ZMAT4: variants seen among roughly 807,000 people sequenced by gnomAD.
ZMAT4 encodes the protein zinc finger matrin-type 4.
ZMAT4 carries 17 observed loss-of-function variants against 28.7 expected under a neutral mutation model. The ratio of observed to expected loss-of-function variants is 0.59; its 90% CI spans 0.41 to 0.89. The LOEUF (loss-of-function observed/expected upper bound fraction) is 0.89. Ranked by LOEUF, ZMAT4 falls within the 40% of genes least tolerant of loss-of-function variation. The pLI is 0.00. For synonymous variants in ZMAT4, 117 were observed against 109.2 expected (o/e 1.07, Z -0.44); for missense variants, 240 against 283.8 (o/e 0.85, Z 1.11).
chr8:40,786,447 ACATT>A (rs71294786), intron 2 of ZMAT4, among the ~76,000 whole-genome samples: 16 of 151,454 alleles, frequency 1.1e-4, no homozygotes, highest in South Asian at 4.2e-4. Context: ...GAAGTACATG[ACATT>A]CATTCATTCA....
intron 5 of ZMAT4, among the ~76,000 whole-genome samples, chr8:40,627,358 A>G (rs1240196574): frequency 6.6e-6 from 1 of 152,198 alleles, no homozygotes; most frequent in Non-Finnish European, 1.5e-5. Context: ...TAAGCAAAAG[A>G]TAAGTACACA....
intron 3 of ZMAT4, among the ~76,000 whole-genome samples, chr8:40,709,425 AC>A (rs1190223213): frequency 6.6e-6 from 1 of 152,214 alleles, no homozygotes; most frequent in Non-Finnish European, 1.5e-5. Context: ...AAATTACTAA[AC>A]CGTATAGAAA....
intron 3 of ZMAT4, among the ~76,000 whole-genome samples, chr8:40,704,861 G>A (rs547396349): frequency 6.6e-6 from 1 of 152,324 alleles, no homozygotes; most frequent in Non-Finnish European, 1.5e-5. Flanking sequence ...GTACTGAAAT[G>A]GATATAACTG....
chr8:40,895,497 A>G (rs1395817675), intron 1 of ZMAT4, among the ~76,000 whole-genome samples: 1 of 152,018 alleles, frequency 6.6e-6, no homozygotes, highest in African/African-American at 2.4e-5. Flanking sequence ...TTTTGGTCTA[A>G]AGTTGTTATT....
At chr8:40,670,895 C>A (rs533196356) in intron 5 of ZMAT4, among the ~76,000 whole-genome samples, 54 of 151,960 alleles carry the variant, frequency 3.6e-4, no homozygotes, top group African/African-American at 1.3e-3. Flanking sequence ...GGTGAAACCC[C>A]GTCTCTACTA....
intron 1 of ZMAT4, among the ~76,000 whole-genome samples, chr8:40,843,215 T>A (rs565384912): frequency 7.2e-5 from 11 of 152,322 alleles, no homozygotes; most frequent in African/African-American, 2.2e-4. Context: ...TGTATCAAAG[T>A]CTCTCATTGC....
chr8:40,858,312 T>C (rs1817369225), intron 1 of ZMAT4, among the ~76,000 whole-genome samples: 1 of 152,188 alleles, frequency 6.6e-6, no homozygotes, highest in African/African-American at 2.4e-5. Flanking sequence ...ACACTCTTTA[T>C]ATTTTGCAAC....
chr8:40,801,575 A>C (rs9918817), intron 2 of ZMAT4, among the ~76,000 whole-genome samples: 85,903 of 151,202 alleles, frequency 0.57, 24,648 homozygotes, highest in East Asian at 0.66. Context: ...GAGGCTGAGG[A>C]AGGAGAATCA....
intron 2 of ZMAT4, among the ~76,000 whole-genome samples, chr8:40,782,384 C>A (rs1046405568): frequency 4.6e-5 from 7 of 150,540 alleles, no homozygotes; most frequent in African/African-American, 1.7e-4. Flanking sequence ...GACTCCGTCT[C>A]GAAAACAAGC....
chr8:40,894,709 T>C (rs1246630893), intron 1 of ZMAT4, among the ~76,000 whole-genome samples: 2 of 152,114 alleles, frequency 1.3e-5, no homozygotes, highest in South Asian at 2.1e-4. Flanking sequence ...TTCTGAGGTG[T>C]TCCAGAGTGT....
intron 1 of ZMAT4, among the ~76,000 whole-genome samples, chr8:40,850,022 A>T (rs546836987): frequency 6.6e-6 from 1 of 152,046 alleles, no homozygotes; most frequent in Non-Finnish European, 1.5e-5. Context: ...TGAGCAGGAC[A>T]TGTCGCTTCG....
At chr8:40,783,650 T>C (rs1022989974) in intron 2 of ZMAT4, among the ~76,000 whole-genome samples, 5 of 151,922 alleles carry the variant, frequency 3.3e-5, no homozygotes, top group African/African-American at 1.2e-4. Flanking sequence ...ACATAAGAGA[T>C]GCATATCTAG....
At chr8:40,734,299 C>G (rs935464370) in intron 3 of ZMAT4, among the ~76,000 whole-genome samples, 1 of 152,166 alleles carries the variant, frequency 6.6e-6, no homozygotes, top group Admixed American at 6.5e-5. Context: ...AAAAAACACC[C>G]TGGCACATTA....
intron 1 of ZMAT4, among the ~76,000 whole-genome samples, chr8:40,889,921 A>G (rs915699108): frequency 6.6e-6 from 1 of 152,220 alleles, no homozygotes; most frequent in Non-Finnish European, 1.5e-5. Flanking sequence ...CACATCTCCT[A>G]TGTTTCCAAA....
chr8:40,889,813 C>G (rs1818604009), intron 1 of ZMAT4, among the ~76,000 whole-genome samples: 2 of 152,160 alleles, frequency 1.3e-5, no homozygotes, highest in South Asian at 4.1e-4. Flanking sequence ...AAGGAATATT[C>G]TTAATTAGAA....
At chr8:40,793,622 C>G (rs964920013) in intron 2 of ZMAT4, among the ~76,000 whole-genome samples, 1 of 152,188 alleles carries the variant, frequency 6.6e-6, no homozygotes, top group Non-Finnish European at 1.5e-5. Context: ...GCCGAAAAGT[C>G]CAACGCTTGC....
chr8:40,575,038 C>G (rs1201932324), intron 6 of ZMAT4, among the ~76,000 whole-genome samples: 1 of 152,190 alleles, frequency 6.6e-6, no homozygotes, highest in Non-Finnish European at 1.5e-5. Flanking sequence ...CCTTTCTAGA[C>G]TTGGGACTCT....
intron 3 of ZMAT4, among the ~76,000 whole-genome samples, chr8:40,726,869 G>A (rs573830449): frequency 1.1e-4 from 16 of 152,232 alleles, no homozygotes; most frequent in African/African-American, 3.6e-4. Flanking sequence ...GGGCTAATGC[G>A]TTCCGCTTCT....
chr8:40,701,008 T>C (rs1435785806), intron 3 of ZMAT4, among the ~76,000 whole-genome samples: 1 of 152,108 alleles, frequency 6.6e-6, no homozygotes, highest in Non-Finnish European at 1.5e-5. Flanking sequence ...TAGTAACTTG[T>C]ATGACATAAA....
Sources: gnomAD v4.1 joint callset for allele counts (sites outside exome capture counted in the v4.1 genomes callset) on GRCh38, gnomAD v4.1.1 for gene constraint, MANE v1.5 for transcripts, NCBI Gene and HGNC (gene_info 2026-07-23, HGNC 2026-07-21) for gene names.